The following EML4 variants were observed in gnomAD, a reference collection of about 807,000 sequenced individuals.
EML4 encodes the protein echinoderm microtubule-associated protein-like 4.
EML4 carries 72 observed loss-of-function variants against 129.0 expected under a neutral mutation model. The ratio of observed to expected loss-of-function variants is 0.56; its 90% confidence interval spans 0.46 to 0.68. The LOEUF (loss-of-function observed/expected upper bound fraction) is 0.68. Among genes scored for constraint, EML4 ranks in the 30% least tolerant of loss-of-function variants. The pLI is 0.00. For missense variants in EML4, 1,363 were observed against 1,190.6 expected (o/e 1.14, Z -2.13); for synonymous variants, 532 against 405.0 (o/e 1.31, Z -3.77).
chr2:42,187,126 G>A (rs112353676), intron 1 of EML4, among the ~76,000 whole-genome samples: 1 of 151,558 alleles, frequency 6.6e-6, no homozygotes, highest in Non-Finnish European at 1.5e-5. Flanking sequence ...TTACTGTAAC[G>A]TCCAATTCCT....
intron 17 of EML4, among the ~76,000 whole-genome samples, chr2:42,306,680 T>A (rs1386806348): frequency 6.6e-6 from 1 of 151,042 alleles, no homozygotes; most frequent in Middle Eastern, 3.2e-3. Flanking sequence ...TTTTTTGTAT[T>A]TTTAGTAGAG....
At chr2:42,268,042 T>C (rs544607832) in intron 6 of EML4, among the ~76,000 whole-genome samples, 1 of 152,292 alleles carries the variant, frequency 6.6e-6, no homozygotes, top group African/African-American at 2.4e-5. Context: ...GGAAAATAGA[T>C]AACAATTTGA....
chr2:42,264,816 C>A, intron 6 of EML4, 85 bp downstream of exon 6: 1 of 1,383,926 alleles, frequency 7.2e-7, no homozygotes. Flanking sequence ...TCATCCAGTG[C>A]ACTTTATCAG....
intron 1 of EML4, among the ~76,000 whole-genome samples, chr2:42,235,329 G>T (rs555634528): frequency 6.6e-6 from 1 of 151,188 alleles, no homozygotes; most frequent in South Asian, 2.1e-4. Flanking sequence ...GCATGGTGGC[G>T]TGCACCTGTA....
At chr2:42,318,872 C>CT (rs1262504740) in intron 19 of EML4, among the ~76,000 whole-genome samples, 16 of 151,996 alleles carry the variant, frequency 1.1e-4, no homozygotes, top group South Asian at 4.2e-4. Context: ...GCCCGGCTCA[C>CT]TTTTTTAATT....
chr2:42,317,571 CT>C, intron 19 of EML4, 47 bp downstream of exon 19: 6 of 1,401,498 alleles, frequency 4.3e-6, no homozygotes, highest in Non-Finnish European at 6.0e-6. Context: ...GGAAATTTTA[CT>C]TCCGTTAAAA....
chr2:42,245,579 C>A lies in EML4; in HGVS notation c.100C>A (p.Gln34Lys). The change falls in exon 2 of 23, where the codon CAA (glutamine) becomes AAA (lysine). Residue 34 changes from glutamine to lysine, a missense_variant. Transcript: ENST00000318522. ...LSALESRVQQ[Q>K]EDEITVLKAA... The stretch of plus-strand genomic sequence containing the variant: ...AGCTCTTGAGTCACGAGTTCAGCAA[C>A]AAGAAGATGAAATCACTGTGCTAAA... The A allele has an allele frequency of 1.2e-6, 2 of 1,613,852 alleles. No individual in the cohort carries two copies. The highest frequency in any genetic ancestry group is 1.7e-6 in the Non-Finnish European group (2 of 1,179,880).
chr2:42,226,385 C>T (rs935429475), intron 1 of EML4, among the ~76,000 whole-genome samples: 1 of 151,928 alleles, frequency 6.6e-6, no homozygotes, highest in Non-Finnish European at 1.5e-5. Context: ...ATGGGCCGGG[C>T]GTGGTGGCTC....
At chr2:42,326,313 C>G in intron 21 of EML4, 61 bp downstream of exon 21, 2 of 1,124,530 alleles carry the variant, frequency 1.8e-6, no homozygotes, top group South Asian at 2.8e-5. Context: ...ATAATATTTA[C>G]TTGCTTAAAT....
intron 6 of EML4, among the ~76,000 whole-genome samples, chr2:42,265,244 G>C (rs1665991092): frequency 1.3e-5 from 2 of 152,034 alleles, no homozygotes; most frequent in Non-Finnish European, 2.9e-5. Context: ...ACCACACCCG[G>C]CTAATTTTTG....
intron 2 of EML4, among the ~76,000 whole-genome samples, chr2:42,255,085 TTTTTC>T (rs1020582630): frequency 3.3e-5 from 5 of 152,054 alleles, no homozygotes; most frequent in African/African-American, 7.2e-5. Flanking sequence ...TTTTGTTTTT[TTTTTC>T]TTTTCTTTTC....
intron 13 of EML4, among the ~76,000 whole-genome samples, chr2:42,298,960 A>G (rs1251809717): frequency 1.3e-5 from 2 of 152,252 alleles, no homozygotes; most frequent in African/African-American, 4.8e-5. Context: ...AAATAAAGCC[A>G]GTAGTACTCT....
chr2:42,214,016 T>C (rs549698024), intron 1 of EML4, among the ~76,000 whole-genome samples: 1 of 152,316 alleles, frequency 6.6e-6, no homozygotes, highest in East Asian at 1.9e-4. Context: ...ATATCAAATA[T>C]TATGGTAAAC....
chr2:42,225,250 G>A (rs1006735062), intron 1 of EML4, among the ~76,000 whole-genome samples: 23 of 152,052 alleles, frequency 1.5e-4, no homozygotes, highest in Admixed American at 1.1e-3. Context: ...CCACACTTTC[G>A]GTTCTGTTGG....
At chr2:42,255,084 T>C (rs977494680) in intron 2 of EML4, among the ~76,000 whole-genome samples, 2 of 151,904 alleles carry the variant, frequency 1.3e-5, no homozygotes, top group Non-Finnish European at 2.9e-5. Context: ...TTTTTGTTTT[T>C]TTTTTCTTTT....
intron 2 of EML4, 132 bp downstream of exon 2, chr2:42,245,819 T>C: frequency 1.2e-6 from 1 of 838,462 alleles, no homozygotes; most frequent in East Asian, 3.1e-5. Context: ...TTTCGTTTTT[T>C]TAATTCCCAA....
intron 13 of EML4, among the ~76,000 whole-genome samples, chr2:42,300,731 C>G (rs1668236145): frequency 1.3e-5 from 2 of 152,236 alleles, no homozygotes; most frequent in South Asian, 2.1e-4. Flanking sequence ...TGACTGTTAC[C>G]TCAGAAGGTC....
intron 11 of EML4, among the ~76,000 whole-genome samples, chr2:42,294,327 G>A (rs970652175): frequency 6.6e-6 from 1 of 152,206 alleles, no homozygotes; most frequent in South Asian, 2.1e-4. Flanking sequence ...GTAGGAATCA[G>A]TAGTGACCAT....
At chr2:42,264,558 T>TA in intron 5 of EML4, 148 bp from the exon 6 acceptor site, 3 of 619,010 alleles carry the variant, frequency 4.8e-6, no homozygotes, top group Non-Finnish European at 8.7e-6. Context: ...TGAGAAACTT[T>TA]AAAAAATGCT....
Sources: allele counts gnomAD v4.1 joint callset (sites outside exome capture counted in the v4.1 genomes callset), GRCh38; gene constraint gnomAD v4.1.1; transcripts MANE v1.5; gene names NCBI Gene and HGNC (gene_info 2026-07-23, HGNC 2026-07-21).